Variants in ATP6V1E1 observed in about 807,000 individuals in gnomAD.
ATP6V1E1 encodes the protein ATPase H+ transporting V1 subunit E1.
Under a neutral mutation model 35.2 loss-of-function variants are expected in ATP6V1E1, and 21 were observed. That is an observed-to-expected ratio of 0.60 (90% CI 0.42 to 0.86). The LOEUF (loss-of-function observed/expected upper bound fraction) is 0.86, where lower values mean the gene tolerates loss of function less well. ATP6V1E1 is among the 40% of genes least tolerant of loss of function. The pLI, the probability that ATP6V1E1 is intolerant of heterozygous loss-of-function variation, is 0.00. For synonymous variants in ATP6V1E1, 83 were observed against 87.8 expected (o/e 0.95, Z 0.30); for missense variants, 183 against 272.6 (o/e 0.67, Z 2.32).
intron 4 of ATP6V1E1, among the ~76,000 whole-genome samples, chr22:17,610,336 C>A (rs1034470): frequency 0.55 from 83,007 of 151,876 alleles, 24,188 homozygotes; most frequent in African/African-American, 0.75. Context: ...AATTACAAGT[C>A]AAGTCAAATC....
intron 4 of ATP6V1E1, among the ~76,000 whole-genome samples, chr22:17,603,014 T>C (rs780962550): frequency 6.6e-6 from 1 of 152,180 alleles, no homozygotes; most frequent in African/African-American, 2.4e-5. Context: ...TGGAGTGCAG[T>C]GGCCTGATCT....
rs2057759822 is a variant in ATP6V1E1 at position 17,601,143 on chromosome 22, C to A, written c.315G>T (p.Val105=). 1.2e-6 allele frequency: 2 copies of A among 1,613,690 alleles called. No individual in the cohort carries two copies. Among genetic ancestry groups the A allele is most frequent in the Non-Finnish European group, 1.7e-6 (2 of 1,179,772 alleles). The part of the protein sequence containing the change: ...LNEAKQRLSK[V]VKDTTRYQVL... ...CTTGGTACCTGGTTGTATCTTTTAC[C>A]ACCTTGCTGAGTCTCTGTTTTGCTT... is the stretch of plus-strand genomic sequence containing the variant. Residue 105 remains valine, a synonymous_variant, in exon 5 of 9, where the codon GTG becomes GTT. Coordinates refer to ENST00000253413, the MANE Select transcript of ATP6V1E1 (RefSeq NM_001696.4).
rs148264574 is a variant in ATP6V1E1 at position 17,598,433 on chromosome 22, C to G, written c.436-145G>C. On this transcript the variant is annotated intron_variant, in intron 6 of 8. Transcript: ENST00000253413. ...CCGCTGGTGGGAATGTAAAACGGCA[C>G]GGCCACTGAGGAGAAATGACAGTCT... 3 of 644,968 alleles carry G rather than the reference C, an allele frequency of 4.7e-6. No individual in the cohort carries two copies. In the African/African-American group the frequency reaches 5.5e-5, roughly 12 times the overall value. The allele number at this position is 644,968 out of a possible 1,614,324, so 40.0% of individuals were successfully genotyped here.
chr22:17,609,528 G>A (rs1433844671), intron 4 of ATP6V1E1, among the ~76,000 whole-genome samples: 3 of 136,760 alleles, frequency 2.2e-5, no homozygotes, highest in Non-Finnish European at 4.7e-5. Flanking sequence ...GAGTGCAGTG[G>A]TGCGATCTCA....
chr22:17,607,207 G>C (rs529749587), intron 4 of ATP6V1E1, among the ~76,000 whole-genome samples: 20 of 151,818 alleles, frequency 1.3e-4, no homozygotes, highest in African/African-American at 4.8e-4. Flanking sequence ...CGCCAGGCTG[G>C]AGTGCAGTGG....
rs1210969683 is a variant in ATP6V1E1, at chr22:17,592,794, GCA to G, written c.619-60_619-59del. On this transcript the variant is annotated intron_variant, in intron 8 of 8. Coordinates refer to ENST00000253413, the MANE Select transcript of ATP6V1E1 (RefSeq NM_001696.4). ...TCAGCTGAAGAAGTTGTAGAGCGCT[GCA>G]CATCTTTTTTTTTTTTTTTTTTTTG... is the stretch of plus-strand genomic sequence containing the variant. 5.2e-6 allele frequency: 6 copies of G among 1,156,768 alleles called. No individual in the cohort carries two copies. The African/African-American group carries it at 9.9e-5, about 19-fold the overall frequency. The allele number at this position is 1,156,768 out of a possible 1,614,324, so 71.7% of individuals were successfully genotyped here.
At chr22:17,597,013 G>A (rs199810794) in intron 7 of ATP6V1E1, among the ~76,000 whole-genome samples, 1 of 151,848 alleles carries the variant, frequency 6.6e-6, no homozygotes, top group South Asian at 2.1e-4. Flanking sequence ...GAGGCCGAGC[G>A]GGCAGATCAC....
Position 17,598,286 on chromosome 22 carries a change from A to G in ATP6V1E1, c.438T>C (p.Ala146=). 1 of 1,611,836 alleles carries G rather than the reference A, an allele frequency of 6.2e-7. No homozygotes were observed. The highest frequency in any genetic ancestry group is 8.5e-7 in the Non-Finnish European group (1 of 1,177,954). ...ACATAGGAATTGCCTTCTGCACTGC[A>G]GCCTGGAAGTATAGAACACAATGAG... ...CRKQDFPLVK[A]AVQKAIPMYK... The change falls in exon 7 of 9, where the codon GCT becomes GCC. Residue 146 remains alanine (A), a splice_region_variant and synonymous_variant. Transcript: ENST00000253413.
rs1350554402 is a variant in ATP6V1E1, at chr22:17,628,749, T to G, written c.-114A>C. 6.9e-7 allele frequency: 1 copy of G among 1,443,188 alleles called. No homozygotes were observed. The allele number at this position is 1,443,188 out of a possible 1,614,324, so 89.4% of individuals were successfully genotyped here. A position where few individuals can be genotyped will look rare whatever the true frequency, so the allele number is the denominator to read the frequency against. The stretch of plus-strand genomic sequence containing the variant: ...GCAGATCTCGGGTTCCTTTACTTTA[T>G]AACCGCGGGTTCCGGTTCCTGCCAG... On this transcript the variant is annotated 5_prime_UTR_variant, in exon 1 of 9. Coordinates refer to ENST00000253413, the MANE Select transcript of ATP6V1E1 (RefSeq NM_001696.4).
intron 4 of ATP6V1E1, among the ~76,000 whole-genome samples, chr22:17,607,374 T>C (rs909833683): frequency 1.3e-5 from 2 of 152,106 alleles, no homozygotes; most frequent in Admixed American, 1.3e-4. Context: ...GCCAGGATGA[T>C]CTCGATCTCC....
intron 2 of ATP6V1E1, among the ~76,000 whole-genome samples, chr22:17,613,594 T>C (rs185156975): frequency 2.7e-5 from 4 of 149,148 alleles, no homozygotes; most frequent in East Asian, 1.9e-4. Flanking sequence ...ATTCTGCTCA[T>C]GAAAAAAATT....
intron 4 of ATP6V1E1, among the ~76,000 whole-genome samples, chr22:17,609,052 C>G (rs2057800551): frequency 6.6e-6 from 1 of 152,026 alleles, no homozygotes; most frequent in South Asian, 2.1e-4. Flanking sequence ...GCGCCACTGC[C>G]ACTGCACTCC....
At chr22:17,606,866 G>A (rs1459744132) in intron 4 of ATP6V1E1, among the ~76,000 whole-genome samples, 1 of 152,184 alleles carries the variant, frequency 6.6e-6, no homozygotes, top group Non-Finnish European at 1.5e-5. Flanking sequence ...CTGTATTAGA[G>A]ACCATTTTGA....
At chr22:17,600,162 C>T in intron 5 of ATP6V1E1, 67 bp from the exon 6 acceptor site, 1 of 1,431,502 alleles carries the variant, frequency 7.0e-7, no homozygotes, top group Non-Finnish European at 9.8e-7. Context: ...AGGTCGGGCA[C>T]AGTGGCTCAG....
chr22:17,596,249 C>T (rs2057731627), intron 7 of ATP6V1E1, among the ~76,000 whole-genome samples: 1 of 152,152 alleles, frequency 6.6e-6, no homozygotes, highest in Non-Finnish European at 1.5e-5. Flanking sequence ...CCCTCAGAAA[C>T]TAATGGTGAA....
intron 3 of ATP6V1E1, 51 bp from the exon 4 acceptor site, chr22:17,612,929 G>GA: frequency 6.6e-7 from 1 of 1,513,132 alleles, no homozygotes; most frequent in Non-Finnish European, 9.0e-7. Context: ...AAACTGTAGA[G>GA]AAAGAATTCG....
rs1453995796 is a variant in ATP6V1E1 at position 17,626,561 on chromosome 22, C to G, written c.33+2042G>C. 4.8e-5 allele frequency among the ~76,000 whole-genome samples: 7 copies of G among 144,874 alleles called. No homozygotes were observed. In the Middle Eastern group the frequency reaches 0.021, roughly 438 times the overall value. ...TGGCAATTTTTTTTTTTTTTTGAGA[C>G]AGTCTCGCTCTGTTGCCCAGGCAGC... On this transcript the variant is annotated intron_variant, in intron 1 of 8. Coordinates refer to ENST00000253413, the MANE Select transcript of ATP6V1E1 (RefSeq NM_001696.4).
intron 8 of ATP6V1E1, among the ~76,000 whole-genome samples, chr22:17,593,270 T>TA (rs925688328): frequency 1.1e-4 from 16 of 147,832 alleles, no homozygotes; most frequent in Admixed American, 4.0e-4. Flanking sequence ...AGGGACACAT[T>TA]AAAAAAAAAC....
intron 7 of ATP6V1E1, among the ~76,000 whole-genome samples, chr22:17,595,552 G>A (rs945227557): frequency 2.6e-5 from 4 of 152,288 alleles, no homozygotes; most frequent in Admixed American, 1.3e-4. Flanking sequence ...ACTGCTGGCC[G>A]GGCGTGGTAG....
Sources: allele counts gnomAD v4.1 joint callset (sites outside exome capture counted in the v4.1 genomes callset), GRCh38; gene constraint gnomAD v4.1.1; transcripts MANE v1.5; gene names NCBI Gene and HGNC (gene_info 2026-07-23, HGNC 2026-07-21).